Variants in NCAM2 observed in about 807,000 individuals in gnomAD.
NCAM2 encodes the protein N-CAM-2.
NCAM2 carries 30 observed loss-of-function variants against 98.1 expected under a neutral mutation model. The ratio of observed to expected loss-of-function variants is 0.31; its 90% CI spans 0.23 to 0.41. The LOEUF (loss-of-function observed/expected upper bound fraction) is 0.41. Ranked by LOEUF, NCAM2 falls within the 10% of genes least tolerant of loss-of-function variation. The pLI is 1.00. For synonymous variants in NCAM2, 368 were observed against 342.4 expected (o/e 1.07, Z -0.83); for missense variants, 867 against 1,005.8 (o/e 0.86, Z 1.87).
chr21:21,100,004 TTTCC>T (rs1269257868), intron 1 of NCAM2, among the ~76,000 whole-genome samples: 1 of 151,968 alleles, frequency 6.6e-6, no homozygotes, highest in African/African-American at 2.4e-5. Context: ...AGTGTGTCTT[TTTCC>T]TTCCTTTCTA....
intron 1 of NCAM2, among the ~76,000 whole-genome samples, chr21:21,079,075 C>T (rs2065739614): frequency 6.6e-6 from 1 of 152,110 alleles, no homozygotes; most frequent in South Asian, 2.1e-4. Context: ...GGACAAATAG[C>T]TAATACATGC....
In NCAM2 at chr21:21,230,287, GT is replaced by G. The variant is rs2070568598; in HGVS notation, c.56-50285del. On this transcript the variant is annotated intron_variant, in intron 1 of 17. Coordinates refer to ENST00000400546, the MANE Select transcript of NCAM2 (RefSeq NM_004540.5). ...CATCTCATCCATATTCTTCTTTTAA[GT>G]TTTTTAAAAATCATTGTCTCACTTT... Among the ~76,000 whole-genome samples, 3 of 151,106 alleles carry G rather than the reference GT, an allele frequency of 2.0e-5. No homozygotes were observed. The Admixed American group carries it at 2.0e-4, about 10-fold the overall frequency.
intron 1 of NCAM2, among the ~76,000 whole-genome samples, chr21:21,250,977 C>T (rs149487704): frequency 2.6e-5 from 4 of 152,234 alleles, no homozygotes; most frequent in African/African-American, 9.6e-5. Context: ...ATGTCCTCCA[C>T]TAGTGCAGAA....
chr21:21,469,069 G>T (rs1006800093), intron 14 of NCAM2, among the ~76,000 whole-genome samples: 2 of 151,794 alleles, frequency 1.3e-5, no homozygotes, highest in African/African-American at 4.8e-5. Flanking sequence ...CCCCTGTTTT[G>T]CTGACAAGCT....
At chr21:21,055,747 A>G (rs1185228861) in intron 1 of NCAM2, among the ~76,000 whole-genome samples, 1 of 152,122 alleles carries the variant, frequency 6.6e-6, no homozygotes, top group Non-Finnish European at 1.5e-5. Context: ...CTCATCACTT[A>G]GTAGCTGTTA....
At chr21:21,057,939 A>C (rs2065246421) in intron 1 of NCAM2, among the ~76,000 whole-genome samples, 1 of 152,032 alleles carries the variant, frequency 6.6e-6, no homozygotes, top group Non-Finnish European at 1.5e-5. Flanking sequence ...AGGCCTAGCC[A>C]GTGGCAAGAG....
chr21:21,337,162 A>G (rs1197609897), intron 7 of NCAM2, among the ~76,000 whole-genome samples: 1 of 152,114 alleles, frequency 6.6e-6, no homozygotes, highest in Non-Finnish European at 1.5e-5. Flanking sequence ...ATTCCAAAGG[A>G]TAGATGGTCT....
chr21:21,292,835 C>T (rs1225385956), intron 5 of NCAM2, among the ~76,000 whole-genome samples: 4 of 151,782 alleles, frequency 2.6e-5, no homozygotes, highest in South Asian at 2.1e-4. Context: ...AAAGAATACT[C>T]GAGACTGAGT....
At chr21:21,383,246 A>C (rs1342571173) in intron 9 of NCAM2, among the ~76,000 whole-genome samples, 1 of 152,178 alleles carries the variant, frequency 6.6e-6, no homozygotes, top group African/African-American at 2.4e-5. Flanking sequence ...GCAGTGACTC[A>C]AACCTCAAGT....
intron 1 of NCAM2, among the ~76,000 whole-genome samples, chr21:21,082,225 T>TTAAA (rs1555882202): frequency 7.2e-5 from 6 of 82,918 alleles, no homozygotes; most frequent in African/African-American, 2.2e-4. Flanking sequence ...GAGAATCCTT[T>TTAAA]AAAAAAAAAA....
At chr21:21,313,027 A>G (rs974707210) in intron 5 of NCAM2, among the ~76,000 whole-genome samples, 25 of 151,658 alleles carry the variant, frequency 1.6e-4, no homozygotes, top group Non-Finnish European at 3.0e-5. Context: ...TGTTATCTGG[A>G]TTTTTTTAAA....
chr21:21,412,569 A>C (rs972491554), intron 10 of NCAM2, among the ~76,000 whole-genome samples: 4 of 152,194 alleles, frequency 2.6e-5, no homozygotes, highest in Non-Finnish European at 5.9e-5. Flanking sequence ...CATACAACAT[A>C]GTATATAGTG....
intron 15 of NCAM2, among the ~76,000 whole-genome samples, chr21:21,508,428 A>T (rs562222076): frequency 6.2e-4 from 94 of 152,220 alleles, no homozygotes; most frequent in Non-Finnish European, 1.1e-3. Flanking sequence ...CACTTTTCAC[A>T]GAAGTTTTGA....
chr21:21,434,006 C>T lies in NCAM2; in HGVS notation c.1654+1725C>T, dbSNP rs1411505603. ...AACCCAGGAAAAGGTTAATAGGCTC[C>T]CTCCAGACTTCTTGCAAAGGTGCAG... On this transcript the variant is annotated intron_variant, in intron 12 of 17. Transcript: ENST00000400546. 3.3e-5 allele frequency among the ~76,000 whole-genome samples: 5 copies of T among 152,238 alleles called. No individual in the cohort carries two copies. In the South Asian group the frequency reaches 6.2e-4, roughly 19 times the overall value.
intron 1 of NCAM2, chr21:21,226,827 C>A (rs2070401607): frequency 6.6e-6 from 1 of 152,026 alleles, no homozygotes; most frequent in African/African-American, 2.4e-5. Flanking sequence ...TGTCCATCTT[C>A]ACCTAGGAAC....
intron 4 of NCAM2, among the ~76,000 whole-genome samples, chr21:21,287,774 A>G (rs769228017): frequency 1.3e-5 from 2 of 151,930 alleles, no homozygotes; most frequent in Non-Finnish European, 2.9e-5. Flanking sequence ...GTATTTCCCC[A>G]GCATCCCAGG....
At chr21:21,108,636 G>A (rs2066396211) in intron 1 of NCAM2, among the ~76,000 whole-genome samples, 1 of 152,040 alleles carries the variant, frequency 6.6e-6, no homozygotes, top group South Asian at 2.1e-4. Context: ...CTAATTTGTT[G>A]TGAATAATAA....
At chr21:21,349,307 G>A (rs750946903) in intron 8 of NCAM2, among the ~76,000 whole-genome samples, 3 of 152,022 alleles carry the variant, frequency 2.0e-5, no homozygotes, top group Non-Finnish European at 4.4e-5. Context: ...TACACAAATG[G>A]CAAACAGATA....
intron 11 of NCAM2, among the ~76,000 whole-genome samples, chr21:21,430,317 A>G (rs1056377494): frequency 1.3e-5 from 2 of 149,518 alleles, no homozygotes; most frequent in Admixed American, 6.7e-5. Context: ...GTAAGCCATC[A>G]TGCCCAGCCC....
Sources: gnomAD v4.1 joint callset for allele counts (sites outside exome capture counted in the v4.1 genomes callset) on GRCh38, gnomAD v4.1.1 for gene constraint, MANE v1.5 for transcripts, NCBI Gene and HGNC (gene_info 2026-07-23, HGNC 2026-07-21) for gene names.